ERG: variants seen among roughly 807,000 people sequenced by gnomAD.
The protein encoded by ERG is ETS transcription factor ERG, also known as transcriptional regulator ERG.
In ERG, 9 loss-of-function variants were observed where a neutral mutation model predicts 55.3. The observed-to-expected ratio is 0.16, with a 90% CI of 0.10 to 0.28. The LOEUF is 0.28. Ranked by LOEUF, ERG falls within the 10% of genes least tolerant of loss-of-function variation. The pLI, the probability that ERG is intolerant of heterozygous loss-of-function variation, is 1.00. For synonymous variants in ERG, 223 were observed against 237.3 expected, an observed-to-expected ratio of 0.94 and a Z score of 0.55; for missense variants, 434 against 631.6, an observed-to-expected ratio of 0.69 and a Z score of 3.35.
chr21:38,603,251 G>A (rs2060175398), intron 1 of ERG, among the ~76,000 whole-genome samples: 1 of 152,004 alleles, frequency 6.6e-6, no homozygotes, highest in Non-Finnish European at 1.5e-5. Context: ...AAATGTGAAT[G>A]GCAAAGACAT....
At chr21:38,458,146 C>A (rs2059007170) in intron 1 of ERG, among the ~76,000 whole-genome samples, 1 of 152,334 alleles carries the variant, frequency 6.6e-6, no homozygotes, top group African/African-American at 2.4e-5. Flanking sequence ...AGCACACTGG[C>A]CAGGCATGGT....
intron 2 of ERG, among the ~76,000 whole-genome samples, chr21:38,530,145 C>T (rs953196534): frequency 7.2e-5 from 11 of 151,930 alleles, no homozygotes; most frequent in African/African-American, 2.7e-4. Flanking sequence ...CTGCAACCTC[C>T]GCCTCCTGTA....
intron 2 of ERG, among the ~76,000 whole-genome samples, chr21:38,554,185 T>C (rs1392617991): frequency 1.3e-5 from 2 of 151,958 alleles, no homozygotes; most frequent in African/African-American, 4.8e-5. Context: ...AAATAACACA[T>C]GTTGGTGAGG....
At position 38,383,964 on chromosome 21, in the gene ERG, A is replaced by T; in HGVS notation, c.920-41T>A. ...GAGGAAGGAAAACTCCAGTGAGCAC[A>T]GGTTCCAGGGGAAAGAGGCTCTCTG... On this transcript the variant is annotated intron_variant, in intron 9 of 9. Coordinates refer to ENST00000288319, the MANE Select transcript of ERG (RefSeq NM_182918.4). This position sits in a 1 kb window ranked among gnomAD's most constrained non-coding sequence, Gnocchi z 5.7. 6.3e-7 allele frequency: 1 copy of T among 1,576,552 alleles called. No individual in the cohort carries two copies. The highest frequency in any genetic ancestry group is 8.6e-7 in the Non-Finnish European group (1 of 1,162,352).
chr21:38,556,494 C>A (rs1175383497), intron 2 of ERG, among the ~76,000 whole-genome samples: 1 of 151,970 alleles, frequency 6.6e-6, no homozygotes, highest in African/African-American at 2.4e-5. Context: ...ATTTCTGCAG[C>A]CTTTTGTGGA....
intron 1 of ERG, among the ~76,000 whole-genome samples, chr21:38,656,935 T>C (rs2060523085): frequency 6.6e-6 from 1 of 152,204 alleles, no homozygotes; most frequent in African/African-American, 2.4e-5. Flanking sequence ...TGCAATAATG[T>C]TATCCTTAAA....
intron 1 of ERG, among the ~76,000 whole-genome samples, chr21:38,473,155 C>A (rs186635273): frequency 2.1e-5 from 2 of 94,872 alleles, no homozygotes; most frequent in African/African-American, 6.8e-5. Context: ...ATGGAGGATG[C>A]GCTCAAAAAA....
At chr21:38,494,743 G>GAAAAGCCC (rs2059365959) in intron 1 of ERG, among the ~76,000 whole-genome samples, 1 of 152,216 alleles carries the variant, frequency 6.6e-6, no homozygotes, top group Non-Finnish European at 1.5e-5. Flanking sequence ...CATGGGGGAA[G>GAAAAGCCC]AAAAGCCCAC....
At chr21:38,391,744 T>C (rs1220879816) in intron 7 of ERG, 29 bp from the exon 8 acceptor site, 1 of 1,595,146 alleles carries the variant, frequency 6.3e-7, no homozygotes, top group South Asian at 1.1e-5. Flanking sequence ...AAAAGGCAAT[T>C]AGCTATAACA....
chr21:38,381,614 GTAA>G lies in ERG; in HGVS notation c.*1786_*1788del, dbSNP rs1417475008. 8.5e-6 allele frequency: 9 copies of G among 1,063,164 alleles called. No individual in the cohort carries two copies. The allele number at this position is 1,063,164 out of a possible 1,614,324, so 65.9% of individuals were successfully genotyped here. A position where few individuals can be genotyped will look rare whatever the true frequency, so the allele number is the denominator to read the frequency against. ...GCTATCCATGACGCTTTATTTGCCA[GTAA>G]TAATACAGTTTGCCTTACGAGTGGT... On this transcript the variant is annotated 3_prime_UTR_variant, in exon 10 of 10. Transcript: ENST00000288319.
chr21:38,507,090 G>T (rs1370435478), intron 2 of ERG, among the ~76,000 whole-genome samples: 2 of 152,010 alleles, frequency 1.3e-5, no homozygotes. Context: ...ACGCTGGCTC[G>T]ACAAAAAGCG....
intron 1 of ERG, among the ~76,000 whole-genome samples, chr21:38,658,856 A>G (rs1303985367): frequency 1.3e-5 from 2 of 152,180 alleles, no homozygotes; most frequent in African/African-American, 2.4e-5. Context: ...TGGAGGGGGG[A>G]ATGTTTATAT....
chr21:38,552,574 C>T (rs1299255237), intron 2 of ERG, among the ~76,000 whole-genome samples: 1 of 152,038 alleles, frequency 6.6e-6, no homozygotes, highest in Non-Finnish European at 1.5e-5. Context: ...CAGAACTAAA[C>T]ACAAAAACCA....
At chr21:38,395,839 C>T (rs1311769869) in intron 6 of ERG, among the ~76,000 whole-genome samples, 5 of 152,186 alleles carry the variant, frequency 3.3e-5, no homozygotes, top group African/African-American at 4.8e-5. Flanking sequence ...CTACCCTTTC[C>T]TGGAGGGCTA....
chr21:38,630,057 G>A (rs2060348059), intron 1 of ERG, among the ~76,000 whole-genome samples: 1 of 152,128 alleles, frequency 6.6e-6, no homozygotes, highest in Admixed American at 6.5e-5. Flanking sequence ...GATTAGGTAA[G>A]TTCACAGGGA....
chr21:38,503,368 C>CTTTT (rs35953821), upstream of ERG, among the ~76,000 whole-genome samples: 3 of 148,540 alleles, frequency 2.0e-5, no homozygotes, highest in Admixed American at 1.3e-4. Flanking sequence ...GCATAGAGCT[C>CTTTT]TTTTTTTTTT....
intron 2 of ERG, among the ~76,000 whole-genome samples, chr21:38,443,716 T>C (rs952944536): frequency 4.6e-5 from 7 of 151,928 alleles, no homozygotes; most frequent in East Asian, 1.9e-4. Context: ...GGACCCATCA[T>C]TGCATTTTCT....
intron 1 of ERG, among the ~76,000 whole-genome samples, chr21:38,609,464 A>G (rs2060213561): frequency 6.6e-6 from 1 of 152,232 alleles, no homozygotes; most frequent in African/African-American, 2.4e-5. Context: ...TCAAAAAAAA[A>G]GACTTAAACT....
chr21:38,562,074 C>T (rs1364871871), intron 2 of ERG, among the ~76,000 whole-genome samples: 2 of 152,126 alleles, frequency 1.3e-5, no homozygotes, highest in Non-Finnish European at 2.9e-5. Context: ...GACACATGTG[C>T]AATTTTATGC....
Sources: allele counts gnomAD v4.1 joint callset (sites outside exome capture counted in the v4.1 genomes callset), GRCh38; gene constraint gnomAD v4.1.1; non-coding constraint Gnocchi (gnomAD v3.1); transcripts MANE v1.5; gene names NCBI Gene and HGNC (gene_info 2026-07-23, HGNC 2026-07-21).